The following COL28A1 variants were observed in gnomAD, a reference collection of about 807,000 sequenced individuals.
The protein encoded by COL28A1 is collagen type XXVIII alpha 1 chain.
A neutral mutation model predicts 150.2 loss-of-function variants in COL28A1; 161 were observed. The observed-to-expected ratio is 1.07, with a 90% CI of 0.94 to 1.22. The LOEUF (loss-of-function observed/expected upper bound fraction) is 1.22. COL28A1 is among the 50% of genes most tolerant of loss of function. The pLI is 0.00. For synonymous variants in COL28A1, 552 were observed against 469.7 expected (o/e 1.18, Z -2.26); for missense variants, 1,617 against 1,388.3 (o/e 1.16, Z -2.62).
At chr7:7,520,704 A>G (rs889727617) in intron 5 of COL28A1, among the ~76,000 whole-genome samples, 1 of 152,234 alleles carries the variant, frequency 6.6e-6, no homozygotes, top group Non-Finnish European at 1.5e-5. Flanking sequence ...GTTAAATAAC[A>G]TATTCTGTGG....
chr7:7,498,227 C>T (rs1424370713), intron 11 of COL28A1, among the ~76,000 whole-genome samples: 1 of 151,988 alleles, frequency 6.6e-6, no homozygotes, highest in Non-Finnish European at 1.5e-5. Context: ...TGAGAAAATG[C>T]AAGTCATTTT....
intron 15 of COL28A1, among the ~76,000 whole-genome samples, chr7:7,473,683 T>C (rs1390908467): frequency 6.6e-6 from 1 of 152,200 alleles, no homozygotes; most frequent in Non-Finnish European, 1.5e-5. Flanking sequence ...ATCCCACTAC[T>C]GGGTATCTAC....
At chr7:7,507,275 C>A in intron 9 of COL28A1, 114 bp from the exon 10 acceptor site, 1 of 616,846 alleles carries the variant, frequency 1.6e-6, no homozygotes, top group Non-Finnish European at 2.8e-6. Context: ...CCCTGGTTAT[C>A]TTAACATCAA....
chr7:7,435,048 A>G (rs898627064), intron 23 of COL28A1, among the ~76,000 whole-genome samples: 1 of 152,224 alleles, frequency 6.6e-6, no homozygotes, highest in Non-Finnish European at 1.5e-5. Context: ...AACAACAGAA[A>G]GAGTATCATT....
chr7:7,442,020 C>A (rs934672643), intron 20 of COL28A1, among the ~76,000 whole-genome samples: 1 of 152,146 alleles, frequency 6.6e-6, no homozygotes, highest in Non-Finnish European at 1.5e-5. Flanking sequence ...CTAAATCACC[C>A]CAGAAATGAA....
At chr7:7,464,958 T>C (rs1224223911) in intron 15 of COL28A1, among the ~76,000 whole-genome samples, 1 of 152,004 alleles carries the variant, frequency 6.6e-6, no homozygotes, top group Non-Finnish European at 1.5e-5. Flanking sequence ...AACAGGAGAT[T>C]TACAACTGGC....
intron 27 of COL28A1, among the ~76,000 whole-genome samples, chr7:7,404,091 G>A (rs751231841): frequency 4.6e-5 from 7 of 151,864 alleles, no homozygotes; most frequent in South Asian, 4.2e-4. Context: ...TTATTAGACC[G>A]ATCAGGAAAA....
intron 19 of COL28A1, 111 bp downstream of exon 19, chr7:7,444,307 C>T: frequency 6.9e-7 from 1 of 1,450,624 alleles, no homozygotes; most frequent in Admixed American, 2.2e-5. Context: ...GATATTTTTT[C>T]TTAAAGAAAC....
At chr7:7,355,520 G>A (rs1180802897), downstream of COL28A1, among the ~76,000 whole-genome samples, 1 of 152,064 alleles carries the variant, frequency 6.6e-6, no homozygotes, top group African/African-American at 2.4e-5. Flanking sequence ...TGAGGTGAGA[G>A]GATCACTTGA....
intron 25 of COL28A1, among the ~76,000 whole-genome samples, chr7:7,429,091 A>C (rs182721780): frequency 6.6e-6 from 1 of 152,368 alleles, no homozygotes; most frequent in East Asian, 1.9e-4. Flanking sequence ...CGTCAACCTT[A>C]ATGGTTTCCT....
Position 7,466,177 on chromosome 7 carries a change from A to C in COL28A1, c.1302+8424T>G, listed in dbSNP as rs1395125538. On this transcript the variant is annotated intron_variant, in intron 15 of 34. Transcript: ENST00000399429. ...ACTCTGAGCTACGGGAGGACATTCA[A>C]ACCAAAGGCAAAGAAGTTGAAAACT... Among the ~76,000 whole-genome samples, 11 of 118,810 alleles carry C rather than the reference A, an allele frequency of 9.3e-5. No homozygotes were observed. In the Admixed American group the frequency reaches 1.0e-3, roughly 11 times the overall value. The allele number at this position is 118,810 out of a possible 152,430, so 77.9% of individuals were successfully genotyped here.
intron 15 of COL28A1, 136 bp downstream of exon 15, chr7:7,474,465 G>A: frequency 2.2e-6 from 1 of 458,654 alleles, no homozygotes; most frequent in Non-Finnish European, 3.8e-6. Context: ...TTTAAAAAAA[G>A]AATATACTAG....
chr7:7,497,623 T>C (rs1320541849), intron 11 of COL28A1, among the ~76,000 whole-genome samples: 1 of 152,234 alleles, frequency 6.6e-6, no homozygotes, highest in Non-Finnish European at 1.5e-5. Flanking sequence ...ACTAAATTCA[T>C]ATCTTTATTA....
intron 19 of COL28A1, among the ~76,000 whole-genome samples, chr7:7,443,925 T>G (rs1786015235): frequency 6.6e-6 from 1 of 151,946 alleles, no homozygotes; most frequent in Admixed American, 6.6e-5. Context: ...CTTTTGGCTC[T>G]TCATTCGCAT....
At chr7:7,390,061 T>C (rs928461357) in intron 27 of COL28A1, among the ~76,000 whole-genome samples, 1 of 152,214 alleles carries the variant, frequency 6.6e-6, no homozygotes, top group African/African-American at 2.4e-5. Flanking sequence ...GGCATCCCTA[T>C]CTTGTGCCAA....
chr7:7,383,784 C>T (rs1024174193), intron 27 of COL28A1, among the ~76,000 whole-genome samples: 1 of 149,670 alleles, frequency 6.7e-6, no homozygotes, highest in Non-Finnish European at 1.5e-5. Flanking sequence ...TATCCATTAG[C>T]CTTCTGATGC....
chr7:7,512,087 CATT>C (rs1460091974), intron 8 of COL28A1, among the ~76,000 whole-genome samples: 1 of 152,076 alleles, frequency 6.6e-6, no homozygotes, highest in Non-Finnish European at 1.5e-5. Flanking sequence ...ACCTGGAAGA[CATT>C]ATGTTTAGTG....
intron 27 of COL28A1, among the ~76,000 whole-genome samples, chr7:7,389,531 A>G (rs1286151101): frequency 6.6e-6 from 1 of 152,214 alleles, no homozygotes; most frequent in Non-Finnish European, 1.5e-5. Flanking sequence ...TAAATCTGTG[A>G]TGGAAGTCAA....
chr7:7,351,075 T>C, the COL28A1 span, among the ~76,000 whole-genome samples: 2 of 152,178 alleles, frequency 1.3e-5, no homozygotes, highest in Non-Finnish European at 2.9e-5. Flanking sequence ...ACTAGAGGGA[T>C]ATTTTGTCTT....
Sources: allele counts gnomAD v4.1 joint callset (sites outside exome capture counted in the v4.1 genomes callset), GRCh38; gene constraint gnomAD v4.1.1; transcripts MANE v1.5; gene names NCBI Gene and HGNC (gene_info 2026-07-23, HGNC 2026-07-21).